Variants in CNTNAP1 observed in about 807,000 individuals in gnomAD.
The protein encoded by CNTNAP1 is contactin associated protein 1, also known as contactin-associated protein 1.
A neutral mutation model predicts 161.5 loss-of-function variants in CNTNAP1; 80 were observed. The ratio of observed to expected loss-of-function variants is 0.50; its 90% CI spans 0.41 to 0.60. The LOEUF is 0.60. Among genes scored for constraint, CNTNAP1 ranks in the 20% least tolerant of loss-of-function variants. CNTNAP1 has a pLI of 0.00. For missense variants in CNTNAP1, 1,464 were observed against 1,854.8 expected, an observed-to-expected ratio of 0.79 and a Z score of 3.87; for synonymous variants, 695 against 733.1, an observed-to-expected ratio of 0.95 and a Z score of 0.84.
Position 42,698,687 on chromosome 17 carries a change from A to T in CNTNAP1, c.3932A>T (p.Tyr1311Phe). 6.2e-7 allele frequency: 1 copy of T among 1,613,230 alleles called. No homozygotes were observed. The highest frequency in any genetic ancestry group is 8.5e-7 in the Non-Finnish European group (1 of 1,179,612). ...LVLFYLQNHR[Y>F]KGSYHTNEPK... ...CTCTTCTATCTGCAAAATCATCGCT[A>T]TAAGGGCTCCTACCATACCAATGAG... The change falls in exon 24 of 24, where the codon TAT becomes TTT. Residue 1311 changes from tyrosine to phenylalanine, a missense_variant. Transcript: ENST00000264638.
At chr17:42,689,782 C>T (rs538686176) in intron 11 of CNTNAP1, 155 bp downstream of exon 11, 141 of 670,406 alleles carry the variant, frequency 2.1e-4, no homozygotes, top group Non-Finnish European at 3.2e-4. Flanking sequence ...GCTCTGTTGC[C>T]CAGGCTAGAG....
chr17:42,691,727 C>T lies in CNTNAP1; in HGVS notation c.2345-79C>T, dbSNP rs909032899. On this transcript the variant is annotated intron_variant, in intron 15 of 23. Transcript: ENST00000264638. This position sits in a 1 kb window ranked among gnomAD's most constrained non-coding sequence, Gnocchi z 4.3. The stretch of plus-strand genomic sequence containing the variant: ...AACCCTCCCCCTTTGCCCAACCTTC[C>T]CTGCCCCCAACCCCAGGTTCTCTTC... The T allele has an allele frequency of 1.2e-5, 18 of 1,508,970 alleles. No individual in the cohort carries two copies. In the African/African-American group the frequency reaches 2.1e-4, roughly 17 times the overall value. The allele number at this position is 1,508,970 out of a possible 1,614,324, so 93.5% of individuals were successfully genotyped here. A position where few individuals can be genotyped will look rare whatever the true frequency, so the allele number is the denominator to read the frequency against.
Position 42,682,768 on chromosome 17 carries a change from A to G in CNTNAP1, c.-62A>G. On this transcript the variant is annotated 5_prime_UTR_variant, in exon 1 of 24. Coordinates refer to ENST00000264638, the MANE Select transcript of CNTNAP1 (RefSeq NM_003632.3). ...AGGAGGAGAGCTTGGAGCCCAAGCC[A>G]GAACTCGAGCCCTAGCCGGAGCCGT... 1 of 1,518,322 alleles carries G rather than the reference A, an allele frequency of 6.6e-7. No individual in the cohort carries two copies. Among genetic ancestry groups the G allele is most frequent in the Non-Finnish European group, 8.9e-7 (1 of 1,125,596 alleles). The allele number at this position is 1,518,322 out of a possible 1,614,324, so 94.1% of individuals were successfully genotyped here. A position where few individuals can be genotyped will look rare whatever the true frequency, so the allele number is the denominator to read the frequency against.
At position 42,691,238 on chromosome 17, in the gene CNTNAP1, C is replaced by G. The variant is rs199522414; in HGVS notation, c.2161C>G (p.Arg721Gly). 1.2e-6 allele frequency: 2 copies of G among 1,614,148 alleles called. No homozygotes were observed. Among genetic ancestry groups the G allele is most frequent in the Non-Finnish European group, 1.7e-6 (2 of 1,180,016 alleles). Residue 721 changes from arginine (R) to glycine (G), a missense_variant, in exon 14 of 24, where the codon CGG becomes GGG. By Grantham distance (125) the Arg-to-Gly change is moderately radical. Transcript: ENST00000264638. The surrounding 1 kb of genome is among the most constrained non-coding windows in gnomAD (Gnocchi z 4.3). ...GIQRCACGLD[R>G]SCVDPALYCN... ...CCAGCGCTGTGCCTGTGGTCTGGAC[C>G]GGAGCTGTGTGGACCCTGCCTTGTA...
At chr17:42,692,055 T>C in intron 16 of CNTNAP1, 64 bp downstream of exon 16, 2 of 1,550,660 alleles carry the variant, frequency 1.3e-6, no homozygotes, top group Non-Finnish European at 1.8e-6. Context: ...GAGACAGGGG[T>C]AGGCTGGGGT....
In CNTNAP1 at chr17:42,698,858, GC is replaced by G; in HGVS notation, c.4108del (p.Arg1370GlyfsTer109). On this transcript the variant is annotated frameshift_variant, in exon 24 of 24. Coordinates refer to ENST00000264638, the MANE Select transcript of CNTNAP1 (RefSeq NM_003632.3). LOFTEE classifies it high-confidence loss of function. ...GCCCCAACTCCAGCCCCAGCCCCTG[GC>G]CCCCGGGATCAGAACCTACCCCAGA... ...APAPTPAPAP[G>X]PRDQNLPQIL... 3 of 1,587,936 alleles carry G rather than the reference GC, an allele frequency of 1.9e-6. No homozygotes were observed. The highest frequency in any genetic ancestry group is 1.7e-6 in the Non-Finnish European group (2 of 1,173,082).
At chr17:42,686,288 C>CAA in intron 6 of CNTNAP1, 147 bp downstream of exon 6, 1 of 805,466 alleles carries the variant, frequency 1.2e-6, no homozygotes, top group Non-Finnish European at 2.0e-6. Context: ...CCTGTAATCC[C>CAA]AGCACTTTGG....
At position 42,682,842 on chromosome 17, in the gene CNTNAP1, C is replaced by A; in HGVS notation, c.13C>A (p.Arg5=). MMHL[R]LFCILLAAVS... ...CCGTCAGCCCTGCATGATGCATCTC[C>A]GGCTCTTCTGCATCCTGCTCGCCGC... The change falls in exon 1 of 24, where the codon CGG becomes AGG. Residue 5 remains arginine, a synonymous_variant. Transcript: ENST00000264638. 5 of 1,587,086 alleles carry A rather than the reference C, an allele frequency of 3.2e-6. No homozygotes were observed. Among genetic ancestry groups the A allele is most frequent in the Non-Finnish European group, 4.3e-6 (5 of 1,168,010 alleles).
chr17:42,686,501 T>G (rs1388052745), intron 6 of CNTNAP1, among the ~76,000 whole-genome samples: 2 of 131,742 alleles, frequency 1.5e-5, no homozygotes, highest in Admixed American at 1.7e-4. Flanking sequence ...TTTGTGGGTG[T>G]TGTTGCTGTT....
rs1201583996 is a variant in CNTNAP1, at chr17:42,687,567, G to A, written c.1045-153G>A. 4 of 1,017,410 alleles carry A rather than the reference G, an allele frequency of 3.9e-6. No individual in the cohort carries two copies. The African/African-American group carries it at 4.9e-5, about 12-fold the overall frequency. The allele number at this position is 1,017,410 out of a possible 1,614,324, so 63.0% of individuals were successfully genotyped here. ...CCCCCTCCACAGATGGACGAGCTTG[G>A]AGGGGAAGAGGTCACGTCATGGTTG... On this transcript the variant is annotated intron_variant, in intron 7 of 23. Transcript: ENST00000264638. This position sits in a 1 kb window ranked among gnomAD's most constrained non-coding sequence, Gnocchi z 4.7.
In CNTNAP1 at chr17:42,682,789, GCCGTTCACAGGGAGGCGGCTGCCGGGA is replaced by G; in HGVS notation, c.-36_-10del. 1.3e-6 allele frequency: 2 copies of G among 1,546,136 alleles called. No individual in the cohort carries two copies. Among genetic ancestry groups the G allele is most frequent in the Non-Finnish European group, 1.7e-6 (2 of 1,147,342 alleles). On this transcript the variant is annotated 5_prime_UTR_variant, in exon 1 of 24. Coordinates refer to ENST00000264638, the MANE Select transcript of CNTNAP1 (RefSeq NM_003632.3). ...AGCCAGAACTCGAGCCCTAGCCGGA[GCCGTTCACAGGGAGGCGGCTGCCGGGA>G]CCGTCAGCCCTGCATGATGCATCTC... is the stretch of plus-strand genomic sequence containing the variant.
In CNTNAP1 at chr17:42,691,528, T is replaced by G. The variant is rs1414897737; in HGVS notation, c.2344+17T>G. 2.5e-6 allele frequency: 4 copies of G among 1,613,422 alleles called. No homozygotes were observed. The Admixed American group carries it at 5.0e-5, about 20-fold the overall frequency. On this transcript the variant is annotated intron_variant, in intron 15 of 23. Transcript: ENST00000264638. This position sits in a 1 kb window ranked among gnomAD's most constrained non-coding sequence, Gnocchi z 4.3. ...ATGGCGATCGTGAGTGGCAGTCCCC[T>G]TTTGTGTGCCCTCCCAGAGCTGACT...
At position 42,695,813 on chromosome 17, in the gene CNTNAP1, T is replaced by C. The variant is rs767465096; in HGVS notation, c.3285T>C (p.Ala1095=). ...GCTTCAGCACCAGCTCCGCCCCTGC[T>C]GTCCTGCTCTACGTCAGTTCCTTTG... is the stretch of plus-strand genomic sequence containing the variant. ...SFSFSTSSAP[A]VLLYVSSFVR... The change falls in exon 19 of 24, where the codon GCT becomes GCC. Residue 1095 remains alanine, a synonymous_variant. Coordinates refer to ENST00000264638, the MANE Select transcript of CNTNAP1 (RefSeq NM_003632.3). 3 of 1,614,232 alleles carry C rather than the reference T, an allele frequency of 1.9e-6. No homozygotes were observed. Among genetic ancestry groups the C allele is most frequent in the South Asian group, 1.1e-5 (1 of 91,092 alleles).
rs201128063 is a variant in CNTNAP1 at position 42,684,240 on chromosome 17, C to T, written c.363+11C>T. On this transcript the variant is annotated intron_variant, in intron 3 of 23. Coordinates refer to ENST00000264638, the MANE Select transcript of CNTNAP1 (RefSeq NM_003632.3). ...CGAGGGCACAACTCGGTACTCTGGG[C>T]GCCAAGGCGGTAACACTTGGGGAGC... The T allele has an allele frequency of 6.2e-7, 1 of 1,606,744 alleles. No individual in the cohort carries two copies. The highest frequency in any genetic ancestry group is 8.5e-7 in the Non-Finnish European group (1 of 1,175,412).
intron 18 of CNTNAP1, among the ~76,000 whole-genome samples, chr17:42,694,562 C>G (rs963807765): frequency 1.4e-4 from 21 of 150,438 alleles, no homozygotes; most frequent in African/African-American, 5.1e-4. Context: ...CCTAGGAGGT[C>G]AAGGCTGCAG....
At position 42,691,534 on chromosome 17, in the gene CNTNAP1, G is replaced by C. The variant is rs370710064; in HGVS notation, c.2344+23G>C. ...ATCGTGAGTGGCAGTCCCCTTTTGT[G>C]TGCCCTCCCAGAGCTGACTCTCCAG... On this transcript the variant is annotated intron_variant, in intron 15 of 23. Transcript: ENST00000264638. This position sits in a 1 kb window ranked among gnomAD's most constrained non-coding sequence, Gnocchi z 4.3. 5 of 1,613,126 alleles carry C rather than the reference G, an allele frequency of 3.1e-6. No individual in the cohort carries two copies. The highest frequency in any genetic ancestry group is 4.2e-6 in the Non-Finnish European group (5 of 1,179,694).
chr17:42,689,711 G>T, intron 11 of CNTNAP1, 84 bp downstream of exon 11: 1 of 1,118,102 alleles, frequency 8.9e-7, no homozygotes. Flanking sequence ...GCTAGAGATG[G>T]CGAGGATGGC....
intron 12 of CNTNAP1, 126 bp downstream of exon 12, chr17:42,690,333 A>G: frequency 8.4e-7 from 1 of 1,186,102 alleles, no homozygotes; most frequent in Non-Finnish European, 1.2e-6. Flanking sequence ...CATACTGAGG[A>G]ATTTGTAACC....
rs367731422 is a variant in CNTNAP1 at position 42,687,760 on chromosome 17, C to T, written c.1085C>T (p.Pro362Leu). The part of the protein sequence containing the change: ...AFRCLDPVPH[P>L]INFGGPHNFV... ...CGTTGCCTGGACCCGGTACCGCACCCTATCAACTTCGGAGGCCCTCACAAC... is the reference window on the plus strand; with the variant it reads ...CGTTGCCTGGACCCGGTACCGCACCTTATCAACTTCGGAGGCCCTCACAAC... The change falls in exon 8 of 24, where the codon CCT (proline) becomes CTT (leucine). Residue 362 changes from proline to leucine, a missense_variant. Pro to Leu is a moderately conservative substitution (Grantham distance 98, BLOSUM62 -3). Around this residue, in one of 3 missense-constraint regions of CNTNAP1, gnomAD observed 1,383 missense variants for 1,765.0 expected, o/e 0.78. Coordinates refer to ENST00000264638, the MANE Select transcript of CNTNAP1 (RefSeq NM_003632.3). This position sits in a 1 kb window ranked among gnomAD's most constrained non-coding sequence, Gnocchi z 4.7. The T allele has an allele frequency of 3.1e-6, 5 of 1,614,092 alleles. No homozygotes were observed. Among genetic ancestry groups the T allele is most frequent in the Non-Finnish European group, 3.4e-6 (4 of 1,180,044 alleles).
Sources: allele counts gnomAD v4.1 joint callset (sites outside exome capture counted in the v4.1 genomes callset), GRCh38; gene constraint gnomAD v4.1.1; regional missense constraint gnomAD v4.1.1; non-coding constraint Gnocchi (gnomAD v3.1); transcripts MANE v1.5; gene names NCBI Gene and HGNC (gene_info 2026-07-23, HGNC 2026-07-21).